The following KATNAL2 variants were observed in gnomAD, a reference collection of about 807,000 sequenced individuals.
KATNAL2 encodes katanin p60 ATPase-containing subunit A-like 2.
KATNAL2 carries 52 observed loss-of-function variants against 76.3 expected under a neutral mutation model. The ratio of observed to expected loss-of-function variants is 0.68; its 90% confidence interval spans 0.55 to 0.86. The LOEUF (loss-of-function observed/expected upper bound fraction) is 0.86. KATNAL2 is among the 40% of genes least tolerant of loss of function. The pLI is 0.00. For synonymous variants in KATNAL2, 243 were observed against 244.2 expected (o/e 1.00, Z 0.05); for missense variants, 660 against 668.9 (o/e 0.99, Z 0.15).
At chr18:47,046,897 T>C (rs1055277499) in intron 4 of KATNAL2, among the ~76,000 whole-genome samples, 21 of 152,198 alleles carry the variant, frequency 1.4e-4, no homozygotes, top group African/African-American at 4.6e-4. Flanking sequence ...AAAAATCCCC[T>C]GTGCACCACC....
chr18:46,943,317 G>A (rs772355756), intron 1 of KATNAL2, among the ~76,000 whole-genome samples: 18 of 152,118 alleles, frequency 1.2e-4, no homozygotes, highest in Non-Finnish European at 2.2e-4. Context: ...GTAAAATGAG[G>A]CTGAGACCTA....
intron 15 of KATNAL2, among the ~76,000 whole-genome samples, chr18:47,081,470 A>T (rs1295424655): frequency 1.3e-5 from 2 of 152,230 alleles, no homozygotes; most frequent in Admixed American, 1.3e-4. Context: ...TTCATACTAA[A>T]TTGGAAAAAT....
chr18:47,068,814 A>G (rs1301046750), intron 11 of KATNAL2, among the ~76,000 whole-genome samples: 1 of 152,158 alleles, frequency 6.6e-6, no homozygotes, highest in African/African-American at 2.4e-5. Flanking sequence ...ATAAACCTTT[A>G]CTAATTGGTT....
At position 47,033,625 on chromosome 18, in the gene KATNAL2, A is replaced by T. The variant is rs753460463; in HGVS notation, c.52-12832A>T. ...AAGAACCCAGTAGGGGACCTCTCCC[A>T]CGTCGCTGAGGGCGTCCGGATTGTT... On this transcript the variant is annotated intron_variant, in intron 3 of 17. Transcript: ENST00000683218. 3.0e-5 allele frequency: 49 copies of T among 1,614,036 alleles called. No homozygotes were observed. In the South Asian group the frequency reaches 5.1e-4, roughly 17 times the overall value.
chr18:46,942,317 T>C (rs1391697338), intron 1 of KATNAL2, among the ~76,000 whole-genome samples: 1 of 152,208 alleles, frequency 6.6e-6, no homozygotes. Flanking sequence ...AAATTTTTAA[T>C]TTCAGAAGTT....
rs560393968 is a variant in KATNAL2, at chr18:47,054,990, G to T, written c.332+552G>T. Among the ~76,000 whole-genome samples the T allele has an allele frequency of 2.0e-5, 3 of 152,342 alleles. No homozygotes were observed. In the East Asian group the frequency reaches 5.8e-4, roughly 29 times the overall value. The stretch of plus-strand genomic sequence containing the variant: ...TTCCCTCCTGTTCACAGCTCATCTT[G>T]CATTCCTTTCTCCAGCTTCTCAAGT... On this transcript the variant is annotated intron_variant, in intron 6 of 17. Coordinates refer to ENST00000683218, the MANE Select transcript of KATNAL2 (RefSeq NM_001387690.1).
rs560009578 is a variant in KATNAL2, at chr18:47,081,084, TTCCC to T, written c.1211+3627_1211+3630del. On this transcript the variant is annotated intron_variant, in intron 15 of 17. Transcript: ENST00000683218. ...CTTTCTTTCCCGCCTTCTTCCCTCCTTCCCTCCATCACTTTATCCCTCCCTCTTC... is the reference window on the plus strand; with the variant it reads ...CTTTCTTTCCCGCCTTCTTCCCTCCTTCCATCACTTTATCCCTCCCTCTTC... Among the ~76,000 whole-genome samples the T allele has an allele frequency of 1.9e-4, 28 of 149,808 alleles. No individual in the cohort carries two copies. The South Asian group carries it at 4.2e-3, about 23-fold the overall frequency.
chr18:47,054,861 A>G (rs2061428233), intron 6 of KATNAL2, among the ~76,000 whole-genome samples: 1 of 152,244 alleles, frequency 6.6e-6, no homozygotes, highest in Admixed American at 6.5e-5. Flanking sequence ...CTCCCAGATC[A>G]GATGTCCTGA....
At chr18:47,071,799 G>A (rs2147211552) in intron 13 of KATNAL2, among the ~76,000 whole-genome samples, 1 of 151,182 alleles carries the variant, frequency 6.6e-6, no homozygotes. Flanking sequence ...TATCCATCCT[G>A]TGTGAGCATT....
intron 1 of KATNAL2, among the ~76,000 whole-genome samples, chr18:46,931,352 G>T (rs746259339): frequency 4.6e-4 from 69 of 151,396 alleles, no homozygotes; most frequent in Non-Finnish European, 8.7e-4. Flanking sequence ...AAATTAAATA[G>T]AATTCAAAAT....
At chr18:47,032,253 G>A (rs62095399) in intron 3 of KATNAL2, among the ~76,000 whole-genome samples, 3,080 of 152,282 alleles carry the variant, frequency 0.02, 47 homozygotes, top group Non-Finnish European at 0.033. Flanking sequence ...CTAAGAAATA[G>A]CAGTTTTCTT....
chr18:46,942,928 C>A (rs752354648), intron 1 of KATNAL2, among the ~76,000 whole-genome samples: 1 of 151,700 alleles, frequency 6.6e-6, no homozygotes, highest in Admixed American at 6.6e-5. Context: ...TTAAAGAATG[C>A]CGGGTTTTAT....
At chr18:47,068,340 C>T (rs368783849) in intron 11 of KATNAL2, among the ~76,000 whole-genome samples, 13 of 152,194 alleles carry the variant, frequency 8.5e-5, no homozygotes, top group African/African-American at 2.9e-4. Context: ...TCTAAGGAGA[C>T]AAAAATCAAT....
chr18:46,955,140 C>CCCTTTCTTTCTTTCTTTCTTTCTTTCTT (rs2059691231), intron 3 of KATNAL2, among the ~76,000 whole-genome samples: 4 of 85,020 alleles, frequency 4.7e-5, no homozygotes, highest in Non-Finnish European at 9.4e-5. Flanking sequence ...CTTTCTCTCT[C>CCCTTTCTTTCTTTCTTTCTTTCTTTCTT]TCTTTCTTTC....
intron 3 of KATNAL2, among the ~76,000 whole-genome samples, chr18:46,947,185 G>T (rs2059407541): frequency 6.6e-6 from 1 of 152,176 alleles, no homozygotes; most frequent in Admixed American, 6.5e-5. Context: ...GTTCCTGATT[G>T]AGGAAATGAG....
intron 15 of KATNAL2, among the ~76,000 whole-genome samples, chr18:47,081,675 G>C (rs2062529380): frequency 1.3e-5 from 2 of 152,192 alleles, no homozygotes; most frequent in Admixed American, 1.3e-4. Flanking sequence ...TTTAAGAATA[G>C]AACTTCAAGT....
rs1049305691 is a variant in KATNAL2, at chr18:47,046,537, A to G, written c.122+10A>G. On this transcript the variant is annotated intron_variant, in intron 4 of 17. Transcript: ENST00000683218. ...ATTTAACACAAGAAGGGTATGTTAC[A>G]GTACAAACATTTATAGAGATGATTC... The G allele has an allele frequency of 2.0e-5, 30 of 1,510,348 alleles. No individual in the cohort carries two copies. The highest frequency in any genetic ancestry group is 2.5e-5 in the Non-Finnish European group (28 of 1,123,544). The allele number at this position is 1,510,348 out of a possible 1,614,324, so 93.6% of individuals were successfully genotyped here.
At chr18:47,060,860 T>C (rs2061610542) in intron 8 of KATNAL2, among the ~76,000 whole-genome samples, 1 of 152,244 alleles carries the variant, frequency 6.6e-6, no homozygotes. Context: ...GTCTCCTTGT[T>C]CACCTTCACT....
rs1037241995 is a variant in KATNAL2, at chr18:47,046,508, C to T, written c.103C>T (p.His35Tyr). Residue 35 changes from histidine to tyrosine, a missense_variant, in exon 4 of 18, where the codon CAT becomes TAT. Physicochemically the swap from His to Tyr is moderately conservative, Grantham distance 83 (BLOSUM62 2). Transcript: ENST00000683218. ...AAAAAATCTTCTCATTTTGATTTCGCATTATTTAACACAAGAAGGGTATGT... is the reference window on the plus strand; with the variant it reads ...AAAAAATCTTCTCATTTTGATTTCGTATTATTTAACACAAGAAGGGTATGT... Reference protein sequence around the residue: ...RRKNLLILISHYLTQEGYIDT... With the variant: ...RRKNLLILISYYLTQEGYIDT... 44 of 1,535,080 alleles carry T rather than the reference C, an allele frequency of 2.9e-5. No homozygotes were observed. The Admixed American group carries it at 8.6e-4, about 30-fold the overall frequency.
Sources: gnomAD v4.1 joint callset for allele counts (sites outside exome capture counted in the v4.1 genomes callset) on GRCh38, gnomAD v4.1.1 for gene constraint, MANE v1.5 for transcripts, NCBI Gene and HGNC (gene_info 2026-07-23, HGNC 2026-07-21) for gene names.